COG6: variants seen among roughly 807,000 people sequenced by gnomAD.
The protein encoded by COG6 is component of oligomeric golgi complex 6.
COG6 carries 74 observed loss-of-function variants against 88.8 expected under a neutral mutation model. The ratio of observed to expected loss-of-function variants is 0.83; its 90% CI spans 0.69 to 1.01. COG6 has a LOEUF of 1.01. Ranked by LOEUF, COG6 falls within the 50% of genes least tolerant of loss-of-function variation. COG6 has a pLI of 0.00. For missense variants in COG6, 800 were observed against 797.9 expected (o/e 1.00, Z -0.03); for synonymous variants, 286 against 278.7 (o/e 1.03, Z -0.26).
intron 3 of COG6, among the ~76,000 whole-genome samples, chr13:39,661,592 C>T (rs971382813): frequency 5.3e-5 from 8 of 152,092 alleles, no homozygotes; most frequent in African/African-American, 1.9e-4. Flanking sequence ...TCTTGTTTCT[C>T]TAAAATTTTA....
At chr13:39,678,248 A>AT in intron 5 of COG6, 1 of 322,850 alleles carries the variant, frequency 3.1e-6, no homozygotes, top group East Asian at 1.0e-4. Flanking sequence ...TTTAATTTTA[A>AT]TTTTTAGTAG....
intron 18 of COG6, 30 bp from the exon 19 acceptor site, chr13:39,750,916 T>A: frequency 6.4e-7 from 1 of 1,567,490 alleles, no homozygotes; most frequent in Non-Finnish European, 8.8e-7. Context: ...TTTCAAATGA[T>A]GTGTTTACAT....
At chr13:39,726,226 G>A (rs940470533) in intron 17 of COG6, among the ~76,000 whole-genome samples, 1 of 151,746 alleles carries the variant, frequency 6.6e-6, no homozygotes, top group African/African-American at 2.4e-5. Context: ...CCTCTTCCAG[G>A]CATTATTAAC....
chr13:39,751,207 T>C lies in COG6; in HGVS notation c.*114T>C. On this transcript the variant is annotated 3_prime_UTR_variant, in exon 19 of 19. Transcript: ENST00000455146. ...GATAGTTACAGTTTTCTTTGTATCATAAGATTGTAAGTCCCGATAATTTTT... is the reference window on the plus strand; with the variant it reads ...GATAGTTACAGTTTTCTTTGTATCACAAGATTGTAAGTCCCGATAATTTTT... 1 of 1,527,686 alleles carries C rather than the reference T, an allele frequency of 6.5e-7. No homozygotes were observed. Among genetic ancestry groups the C allele is most frequent in the Admixed American group, 2.0e-5 (1 of 49,280 alleles). 94.6% of individuals were successfully genotyped at this position (1,527,686 alleles called of 1,614,324 possible).
At position 39,689,860 on chromosome 13, in the gene COG6, C is replaced by A. The variant is rs200614971; in HGVS notation, c.1074+36C>A. The A allele has an allele frequency of 2.0e-5, 26 of 1,281,476 alleles. No individual in the cohort carries two copies. The African/African-American group carries it at 3.3e-4, about 16-fold the overall frequency. The allele number at this position is 1,281,476 out of a possible 1,614,324, so 79.4% of individuals were successfully genotyped here. A position where few individuals can be genotyped will look rare whatever the true frequency, so the allele number is the denominator to read the frequency against. On this transcript the variant is annotated intron_variant, in intron 11 of 18. Coordinates refer to ENST00000455146, the MANE Select transcript of COG6 (RefSeq NM_020751.3). Reference sequence around the variant, plus strand: ...TTGTTTTTACATATGCTATATGGTACCTGCTTAAATTATTACCTTATTTAT... The same window carrying A: ...TTGTTTTTACATATGCTATATGGTAACTGCTTAAATTATTACCTTATTTAT...
chr13:39,723,390 G>A lies in COG6; in HGVS notation c.1642G>A (p.Val548Ile). 1 of 1,611,428 alleles carries A rather than the reference G, an allele frequency of 6.2e-7. No homozygotes were observed. The highest frequency in any genetic ancestry group is 1.1e-5 in the South Asian group (1 of 91,026). ...NEQASYVLTRVGLSYIYNTVQ... is the reference protein window; with the variant it reads ...NEQASYVLTRIGLSYIYNTVQ... ...GCAAGCCTCTTATGTTTTAACTAGG[G>A]TAGGCTTGAGTTACATCTATAACAC... Residue 548 changes from valine (V) to isoleucine (I), a missense_variant, in exon 16 of 19, where the codon GTA becomes ATA. Coordinates refer to ENST00000455146, the MANE Select transcript of COG6 (RefSeq NM_020751.3).
chr13:39,679,462 G>T, intron 5 of COG6, 76 bp from the exon 6 acceptor site: 1 of 821,998 alleles, frequency 1.2e-6, no homozygotes, highest in Non-Finnish European at 2.2e-6. Flanking sequence ...GTTTGCCCTT[G>T]GTAGTGACCT....
At chr13:39,705,185 A>G (rs1400923797) in intron 13 of COG6, among the ~76,000 whole-genome samples, 1 of 152,206 alleles carries the variant, frequency 6.6e-6, no homozygotes, top group Non-Finnish European at 1.5e-5. Context: ...TAGAATTTTA[A>G]GTGAATAGTA....
At chr13:39,692,506 C>A (rs1877037964) in intron 11 of COG6, among the ~76,000 whole-genome samples, 1 of 151,764 alleles carries the variant, frequency 6.6e-6, no homozygotes, top group Admixed American at 6.6e-5. Flanking sequence ...GTCATTGGAC[C>A]CTCAGATTGA....
intron 18 of COG6, among the ~76,000 whole-genome samples, chr13:39,787,990 G>A (rs1881827438): frequency 1.3e-5 from 2 of 152,168 alleles, no homozygotes; most frequent in South Asian, 4.1e-4. Context: ...TTAAAAAGTT[G>A]CAGTTGGCAG....
rs1880615125 is a variant in COG6, at chr13:39,751,260, T to C, written c.*167T>C. ...TTTTTTGGTCTCAGTAACAGGGAAGTAAGTAACATGTTGACCTGAGCTAGT... is the reference window on the plus strand; with the variant it reads ...TTTTTTGGTCTCAGTAACAGGGAAGCAAGTAACATGTTGACCTGAGCTAGT... On this transcript the variant is annotated 3_prime_UTR_variant, in exon 19 of 19. Coordinates refer to ENST00000455146, the MANE Select transcript of COG6 (RefSeq NM_020751.3). The C allele has an allele frequency of 1.3e-6, 2 of 1,514,912 alleles. No homozygotes were observed. Among genetic ancestry groups the C allele is most frequent in the Non-Finnish European group, 1.8e-6 (2 of 1,135,662 alleles). The allele number at this position is 1,514,912 out of a possible 1,614,324, so 93.8% of individuals were successfully genotyped here.
intron 18 of COG6, among the ~76,000 whole-genome samples, chr13:39,747,746 T>C (rs1880418352): frequency 6.6e-6 from 1 of 152,186 alleles, no homozygotes; most frequent in South Asian, 2.1e-4. Context: ...TTACAGACAT[T>C]CGTGAGCTAA....
At chr13:39,740,266 T>C (rs1301322588) in intron 18 of COG6, among the ~76,000 whole-genome samples, 1 of 152,162 alleles carries the variant, frequency 6.6e-6, no homozygotes, top group African/African-American at 2.4e-5. Context: ...AACATCTCCA[T>C]AATTAGCACT....
chr13:39,753,630 G>C (rs1880738347), downstream of COG6, among the ~76,000 whole-genome samples: 1 of 151,846 alleles, frequency 6.6e-6, no homozygotes, highest in Non-Finnish European at 1.5e-5. Context: ...TTTTGTACTT[G>C]AGATGTTATC....
intron 18 of COG6, among the ~76,000 whole-genome samples, chr13:39,732,381 G>T (rs1037245603): frequency 6.6e-6 from 1 of 152,120 alleles, no homozygotes; most frequent in African/African-American, 2.4e-5. Context: ...CTAAGCATGT[G>T]ATAAAATGCT....
rs1477738246 is a variant in COG6 at position 39,655,696 on chromosome 13, G to C, written c.-31G>C. 6.4e-7 allele frequency: 1 copy of C among 1,551,034 alleles called. No homozygotes were observed. Among genetic ancestry groups the C allele is most frequent in the Admixed American group, 2.0e-5 (1 of 51,236 alleles). On this transcript the variant is annotated 5_prime_UTR_variant, in exon 1 of 19. Transcript: ENST00000455146. ...GCCTCCGTGGTCCCTGCCTGGCTGA[G>C]GTGGCAGCAGGGGGCGGGACGCGCA...
intron 18 of COG6, among the ~76,000 whole-genome samples, chr13:39,761,535 G>A (rs1198030603): frequency 1.3e-5 from 2 of 151,816 alleles, no homozygotes; most frequent in Non-Finnish European, 2.9e-5. Flanking sequence ...GGACAAATAG[G>A]ATTATATCAA....
At chr13:39,734,219 T>G (rs1197785790) in intron 18 of COG6, among the ~76,000 whole-genome samples, 1 of 152,022 alleles carries the variant, frequency 6.6e-6, no homozygotes, top group East Asian at 1.9e-4. Context: ...CTTTTCTACT[T>G]TTTTTTGTAG....
chr13:39,678,136 A>C (rs1459154787), intron 5 of COG6: 2 of 425,082 alleles, frequency 4.7e-6, no homozygotes, highest in South Asian at 3.5e-5. Flanking sequence ...GCACGAACAC[A>C]GCTCACTGCA....
Sources: gnomAD v4.1 joint callset for allele counts (sites outside exome capture counted in the v4.1 genomes callset) on GRCh38, gnomAD v4.1.1 for gene constraint, MANE v1.5 for transcripts, NCBI Gene and HGNC (gene_info 2026-07-23, HGNC 2026-07-21) for gene names.